ADAMTS17: variants seen among roughly 807,000 people sequenced by gnomAD.
ADAMTS17 encodes the protein ADAM metallopeptidase with thrombospondin type 1 motif 17, also known as A disintegrin and metalloproteinase with thrombospondin motifs 17.
ADAMTS17 carries 113 observed loss-of-function variants against 141.5 expected under a neutral mutation model. That is an observed-to-expected ratio of 0.80 (90% CI 0.69 to 0.93). The LOEUF (loss-of-function observed/expected upper bound fraction) is 0.93, where lower values mean the gene tolerates loss of function less well. Among genes scored for constraint, ADAMTS17 ranks in the 40% least tolerant of loss-of-function variants. The pLI is 0.00. For missense variants in ADAMTS17, 1,659 were observed against 1,517.9 expected, an observed-to-expected ratio of 1.09 and a Z score of -1.54; for synonymous variants, 768 against 630.6, an observed-to-expected ratio of 1.22 and a Z score of -3.27.
At chr15:100,147,014 G>A (rs2038939912) in intron 10 of ADAMTS17, among the ~76,000 whole-genome samples, 1 of 152,166 alleles carries the variant, frequency 6.6e-6, no homozygotes, top group Non-Finnish European at 1.5e-5. Context: ...CTGTGGTCCT[G>A]TGATCTCGCC....
intron 7 of ADAMTS17, among the ~76,000 whole-genome samples, chr15:100,207,812 G>A (rs1030126101): frequency 1.3e-5 from 2 of 152,120 alleles, no homozygotes; most frequent in African/African-American, 4.8e-5. Flanking sequence ...GCACCAGGGA[G>A]GGAGGTGAGA....
chr15:100,253,805 A>T (rs771055122), intron 7 of ADAMTS17, among the ~76,000 whole-genome samples: 1 of 152,136 alleles, frequency 6.6e-6, no homozygotes, highest in Non-Finnish European at 1.5e-5. Context: ...GTAACTTAGC[A>T]GGCTGCCTCT....
intron 7 of ADAMTS17, among the ~76,000 whole-genome samples, chr15:100,248,965 A>C (rs1487174948): frequency 6.6e-6 from 1 of 151,632 alleles, no homozygotes; most frequent in African/African-American, 2.4e-5. Flanking sequence ...CGCCTGGCTA[A>C]TTTTTGTATT....
At chr15:100,087,029 T>C (rs965959666) in intron 15 of ADAMTS17, among the ~76,000 whole-genome samples, 8 of 152,096 alleles carry the variant, frequency 5.3e-5, no homozygotes, top group Non-Finnish European at 8.8e-5. Context: ...CAAAAAACCC[T>C]TCAAAAAATC....
At chr15:100,071,878 T>A (rs558798263) in intron 15 of ADAMTS17, among the ~76,000 whole-genome samples, 1 of 150,438 alleles carries the variant, frequency 6.6e-6, no homozygotes, top group South Asian at 2.1e-4. Flanking sequence ...CCACTCCTAT[T>A]CAACATAGTG....
intron 3 of ADAMTS17, among the ~76,000 whole-genome samples, chr15:100,281,745 C>G (rs1454886679): frequency 6.6e-6 from 1 of 152,096 alleles, no homozygotes; most frequent in Admixed American, 6.5e-5. Flanking sequence ...AAAAGGAGGC[C>G]TGGACCCAGC....
At chr15:100,183,190 T>G (rs953486400) in intron 8 of ADAMTS17, among the ~76,000 whole-genome samples, 6 of 152,206 alleles carry the variant, frequency 3.9e-5, no homozygotes, top group African/African-American at 1.4e-4. Flanking sequence ...GGTTCTTCTA[T>G]GTTGACCAGG....
At chr15:100,048,771 G>A in intron 18 of ADAMTS17, 86 bp downstream of exon 18, 1 of 1,569,184 alleles carries the variant, frequency 6.4e-7, no homozygotes, top group Non-Finnish European at 8.7e-7. Flanking sequence ...CAGTACTGTG[G>A]CATTAACTGC....
At position 100,216,821 on chromosome 15, in the gene ADAMTS17, A is replaced by C. The variant is rs147727272; in HGVS notation, c.1076-17398T>G. ...CTTCACAAAACTTTTTCAGATTTTG[A>C]GATAGGTGAATTCATAATAATTAAG... On this transcript the variant is annotated intron_variant, in intron 7 of 21. Transcript: ENST00000268070. Among the ~76,000 whole-genome samples, 502 of 152,308 alleles carry C rather than the reference A, an allele frequency of 3.3e-3. 4 individuals are homozygous for C. The highest frequency in any genetic ancestry group is 0.011 in the African/African-American group (458 of 41,558).
chr15:100,186,948 T>C (rs1195081566), intron 8 of ADAMTS17, among the ~76,000 whole-genome samples: 2 of 152,214 alleles, frequency 1.3e-5, no homozygotes, highest in Non-Finnish European at 2.9e-5. Context: ...ATCTGCCTAT[T>C]TTTAGTCTTT....
At chr15:100,044,889 C>T (rs1266060548) in intron 18 of ADAMTS17, among the ~76,000 whole-genome samples, 1 of 151,250 alleles carries the variant, frequency 6.6e-6, no homozygotes, top group Non-Finnish European at 1.5e-5. Flanking sequence ...CTCACTGCAA[C>T]CTCTGTATCC....
chr15:100,160,048 T>C (rs928453534), intron 8 of ADAMTS17, among the ~76,000 whole-genome samples: 9 of 110,348 alleles, frequency 8.2e-5, no homozygotes, highest in African/African-American at 2.6e-4. Flanking sequence ...CCGTTTCTCC[T>C]GGAATGGCCC....
At chr15:100,011,516 G>T (rs2061181804) in intron 18 of ADAMTS17, among the ~76,000 whole-genome samples, 2 of 152,060 alleles carry the variant, frequency 1.3e-5, no homozygotes, top group African/African-American at 2.4e-5. Context: ...ATAAAATATG[G>T]TTTAAGGGAA....
chr15:100,211,316 A>G (rs1270188261), intron 7 of ADAMTS17, among the ~76,000 whole-genome samples: 1 of 150,526 alleles, frequency 6.6e-6, no homozygotes, highest in Non-Finnish European at 1.5e-5. Flanking sequence ...AAAAAAAAAA[A>G]AAAAGTTAGA....
chr15:100,202,893 G>A (rs2041388524), intron 7 of ADAMTS17, among the ~76,000 whole-genome samples: 1 of 152,220 alleles, frequency 6.6e-6, no homozygotes, highest in African/African-American at 2.4e-5. Flanking sequence ...GCCTTATGCT[G>A]GGGAGAGGCT....
chr15:100,168,113 G>C (rs893297057), intron 8 of ADAMTS17, among the ~76,000 whole-genome samples: 3 of 152,314 alleles, frequency 2.0e-5, no homozygotes, highest in African/African-American at 4.8e-5. Context: ...CCTTCCTCAG[G>C]CCCCACTGTA....
chr15:100,035,810 G>T (rs1467413381), intron 18 of ADAMTS17, among the ~76,000 whole-genome samples: 1 of 152,258 alleles, frequency 6.6e-6, no homozygotes, highest in South Asian at 2.1e-4. Context: ...GAACCTGGGA[G>T]TAAGTAGTAT....
At chr15:100,290,647 C>T (rs1453198461) in intron 3 of ADAMTS17, among the ~76,000 whole-genome samples, 1 of 152,040 alleles carries the variant, frequency 6.6e-6, no homozygotes, top group Non-Finnish European at 1.5e-5. Context: ...GGCACTTGTA[C>T]AAAAACAGAC....
At chr15:100,068,154 G>C (rs1596337342) in intron 15 of ADAMTS17, among the ~76,000 whole-genome samples, 1 of 152,138 alleles carries the variant, frequency 6.6e-6, no homozygotes, top group South Asian at 2.1e-4. Flanking sequence ...CTCGCTCATT[G>C]CTAGCACAGC....
Sources: gnomAD v4.1 joint callset for allele counts (sites outside exome capture counted in the v4.1 genomes callset) on GRCh38, gnomAD v4.1.1 for gene constraint, MANE v1.5 for transcripts, NCBI Gene and HGNC (gene_info 2026-07-23, HGNC 2026-07-21) for gene names.